SKI: variants seen among roughly 807,000 people sequenced by gnomAD.
SKI encodes ski oncogene.
In SKI, 23 loss-of-function variants were observed where a neutral mutation model predicts 59.3. The observed-to-expected ratio is 0.39, with a 90% confidence interval of 0.28 to 0.55. SKI has a LOEUF of 0.55. SKI is among the 20% of genes least tolerant of loss of function. SKI has a pLI of 0.67. For missense variants in SKI, 1,017 were observed against 1,038.9 expected, an observed-to-expected ratio of 0.98 and a Z score of 0.29; for synonymous variants, 673 against 488.6, an observed-to-expected ratio of 1.38 and a Z score of -4.98.
chr1:2,230,821 T>G lies in SKI; in HGVS notation c.969+1086T>G, dbSNP rs527818508. Among the ~76,000 whole-genome samples the G allele has an allele frequency of 2.6e-5, 4 of 152,358 alleles. No individual in the cohort carries two copies. In the East Asian group the frequency reaches 7.7e-4, roughly 29 times the overall value. ...TAATTCAGCTATTGCATCAAACTTT[T>G]TTTTTCTAAATCTGTGAATAGATGC... On this transcript the variant is annotated intron_variant, in intron 1 of 6. Coordinates refer to ENST00000378536, the MANE Select transcript of SKI (RefSeq NM_003036.4).
At chr1:2,282,572 G>A (rs1210205813) in intron 1 of SKI, among the ~76,000 whole-genome samples, 1 of 152,244 alleles carries the variant, frequency 6.6e-6, no homozygotes, top group Admixed American at 6.5e-5. Context: ...GTGGGCGGGT[G>A]GGCAGTATTT....
In SKI at chr1:2,274,984, C is replaced by T. The variant is rs187825712; in HGVS notation, c.970-27994C>T. ...TGTCTGTGCTGGTCTTTCCAGGCAT[C>T]CCCAGGCCGTGTGTGTCAGCAGGTG... On this transcript the variant is annotated intron_variant, in intron 1 of 6. Coordinates refer to ENST00000378536, the MANE Select transcript of SKI (RefSeq NM_003036.4). 3.9e-5 allele frequency among the ~76,000 whole-genome samples: 6 copies of T among 152,320 alleles called. 1 individual carries two copies. Among genetic ancestry groups the T allele is most frequent in the Admixed American group, 3.3e-4 (5 of 15,310 alleles).
chr1:2,300,464 T>C (rs889929779), intron 1 of SKI, among the ~76,000 whole-genome samples: 1 of 152,178 alleles, frequency 6.6e-6, no homozygotes, highest in Non-Finnish European at 1.5e-5. Context: ...CGTCTGTCAC[T>C]GGGTGTGGTT....
At chr1:2,245,289 A>G (rs968361188) in intron 1 of SKI, among the ~76,000 whole-genome samples, 2 of 152,074 alleles carry the variant, frequency 1.3e-5, no homozygotes, top group African/African-American at 4.8e-5. Flanking sequence ...ACTGAACCGC[A>G]GGCTGCTGTA....
chr1:2,291,148 A>G lies in SKI; in HGVS notation c.970-11830A>G, dbSNP rs552702830. 1.4e-3 allele frequency among the ~76,000 whole-genome samples: 206 copies of G among 152,062 alleles called. 3 individuals are homozygous for G. Among genetic ancestry groups the G allele is most frequent in the African/African-American group, 4.7e-3 (195 of 41,270 alleles). Reference sequence around the variant, plus strand: ...TGCAGGCGCTGGGGATGCTCATGCCAGCTTGCTGTTCTTGGGAGTCTGTTT... The same window carrying G: ...TGCAGGCGCTGGGGATGCTCATGCCGGCTTGCTGTTCTTGGGAGTCTGTTT... On this transcript the variant is annotated intron_variant, in intron 1 of 6. Coordinates refer to ENST00000378536, the MANE Select transcript of SKI (RefSeq NM_003036.4).
intron 1 of SKI, among the ~76,000 whole-genome samples, chr1:2,301,572 A>G (rs886901002): frequency 1.3e-5 from 2 of 152,080 alleles, no homozygotes; most frequent in African/African-American, 4.8e-5. Context: ...AGGGCCCTCC[A>G]TCCCCATAAT....
chr1:2,234,463 C>T (rs1396380270), intron 1 of SKI, among the ~76,000 whole-genome samples: 4 of 152,202 alleles, frequency 2.6e-5, no homozygotes, highest in Non-Finnish European at 4.4e-5. Flanking sequence ...GTCTGTCTGT[C>T]TGAGTCTCCG....
chr1:2,283,075 C>T (rs989114388), intron 1 of SKI, among the ~76,000 whole-genome samples: 3 of 152,310 alleles, frequency 2.0e-5, no homozygotes, highest in East Asian at 3.9e-4. Flanking sequence ...GGGAGGATCC[C>T]GTGGGAATGA....
At chr1:2,305,109 G>C (rs975444048) in intron 5 of SKI, among the ~76,000 whole-genome samples, 3 of 152,210 alleles carry the variant, frequency 2.0e-5, no homozygotes, top group African/African-American at 7.2e-5. Context: ...CTCCCGAGTA[G>C]GAAGGAGAGG....
chr1:2,249,500 C>T (rs925609825), intron 1 of SKI, among the ~76,000 whole-genome samples: 2 of 152,254 alleles, frequency 1.3e-5, no homozygotes, highest in African/African-American at 4.8e-5. Flanking sequence ...GTGGCCGGCT[C>T]CTCACCCATG....
intron 1 of SKI, among the ~76,000 whole-genome samples, chr1:2,238,494 G>A (rs774824268): frequency 1.6e-4 from 25 of 152,244 alleles, no homozygotes; most frequent in Non-Finnish European, 3.1e-4. Flanking sequence ...GATGCCTGAG[G>A]ATGGGGGCCG....
At chr1:2,296,161 A>G (rs1640279687) in intron 1 of SKI, among the ~76,000 whole-genome samples, 1 of 151,814 alleles carries the variant, frequency 6.6e-6, no homozygotes, top group Non-Finnish European at 1.5e-5. Flanking sequence ...GGCAGATTGC[A>G]TGAGTTCAGG....
chr1:2,239,447 C>G (rs1243877610), intron 1 of SKI, among the ~76,000 whole-genome samples: 4 of 152,222 alleles, frequency 2.6e-5, no homozygotes, highest in Admixed American at 2.6e-4. Context: ...GGGGACCTGC[C>G]TCGTGCGTGG....
In SKI at chr1:2,229,036, C is replaced by T. The variant is rs1436770788; in HGVS notation, c.270C>T (p.Phe90=). 6.9e-6 allele frequency: 11 copies of T among 1,601,962 alleles called. No individual in the cohort carries two copies. Among genetic ancestry groups the T allele is most frequent in the Non-Finnish European group, 8.5e-6 (10 of 1,178,914 alleles). Reference sequence around the variant, plus strand: ...CGCCGCCCGTGCTGCCCGGGCCCTTCTTCATGCCGTCCGACCGCTCCACCG... The same window carrying T: ...CGCCGCCCGTGCTGCCCGGGCCCTTTTTCATGCCGTCCGACCGCTCCACCG... The part of the protein sequence containing the change: ...QPPPPVLPGP[F]FMPSDRSTER... The change falls in exon 1 of 7, where the codon TTC becomes TTT. Residue 90 remains phenylalanine, a synonymous_variant. Coordinates refer to ENST00000378536, the MANE Select transcript of SKI (RefSeq NM_003036.4). The surrounding 1 kb of genome is among the most constrained non-coding windows in gnomAD (Gnocchi z 6.3).
In SKI at chr1:2,304,451, C is replaced by T. The variant is rs930022141; in HGVS notation, c.1633C>T (p.Leu545=). The change falls in exon 5 of 7, where the codon CTG becomes TTG. Residue 545 remains leucine, a synonymous_variant. Transcript: ENST00000378536. Reference sequence around the variant, plus strand: ...TGGGCTGGAGGCGGAGCTGGAGCACCTGCGGCAGGCACTGGAGGGCGGCCT... The same window carrying T: ...TGGGCTGGAGGCGGAGCTGGAGCACTTGCGGCAGGCACTGGAGGGCGGCCT... ...PSGLEAELEH[L]RQALEGGLDT... is the part of the protein sequence containing the mutation. The T allele has an allele frequency of 6.4e-7, 1 of 1,565,616 alleles. No individual in the cohort carries two copies. Among genetic ancestry groups the T allele is most frequent in the African/African-American group, 1.4e-5 (1 of 73,600 alleles).
intron 1 of SKI, among the ~76,000 whole-genome samples, chr1:2,277,143 C>T (rs1639759908): frequency 1.3e-5 from 2 of 152,136 alleles, no homozygotes; most frequent in South Asian, 4.1e-4. Flanking sequence ...AAACTTAAAA[C>T]TTCTTTTTTT....
In SKI at chr1:2,268,650, C is replaced by T. The variant is rs945193268; in HGVS notation, c.970-34328C>T. ...TCACCATGGAGTTTCACCCAATTTT[C>T]AGCTTTGACGGAGAAATGAGGCTTG... On this transcript the variant is annotated intron_variant, in intron 1 of 6. Transcript: ENST00000378536. This position sits in a 1 kb window ranked among gnomAD's most constrained non-coding sequence, Gnocchi z 5.0. Among the ~76,000 whole-genome samples the T allele has an allele frequency of 6.6e-6, 1 of 152,222 alleles. No homozygotes were observed. The highest frequency in any genetic ancestry group is 1.5e-5 in the Non-Finnish European group (1 of 68,036).
intron 1 of SKI, among the ~76,000 whole-genome samples, chr1:2,261,944 GCTCCTGAT>G (rs1208035570): frequency 0.012 from 1,543 of 124,280 alleles, 51 homozygotes; most frequent in East Asian, 0.096. Flanking sequence ...GGACGCCCTC[GCTCCTGAT>G]CTCCTGATCT....
intron 5 of SKI, 55 bp downstream of exon 5, chr1:2,304,640 T>C: frequency 1.3e-6 from 2 of 1,501,094 alleles, no homozygotes; most frequent in Non-Finnish European, 1.8e-6. Context: ...GAGCACAGCC[T>C]GCACCAGGTG....
Sources: allele counts gnomAD v4.1 joint callset (sites outside exome capture counted in the v4.1 genomes callset), GRCh38; gene constraint gnomAD v4.1.1; non-coding constraint Gnocchi (gnomAD v3.1); transcripts MANE v1.5; gene names NCBI Gene and HGNC (gene_info 2026-07-23, HGNC 2026-07-21).